Variants in CREB3L2 observed in about 807,000 individuals in gnomAD.
CREB3L2 encodes cyclic AMP-responsive element-binding protein 3-like protein 2.
Under a neutral mutation model 57.2 loss-of-function variants are expected in CREB3L2, and 23 were observed. The ratio of observed to expected loss-of-function variants is 0.40; its 90% confidence interval spans 0.29 to 0.57. The LOEUF (loss-of-function observed/expected upper bound fraction) is 0.57. CREB3L2 is among the 20% of genes least tolerant of loss of function. The probability of loss-of-function intolerance (pLI) is 0.42; values close to 1 mark genes in which losing one functional copy is unlikely to be tolerated. For missense variants in CREB3L2, 628 were observed against 634.7 expected, an observed-to-expected ratio of 0.99 and a Z score of 0.11; for synonymous variants, 268 against 265.1, an observed-to-expected ratio of 1.01 and a Z score of -0.11.
At chr7:137,916,039 G>A (rs576514426) in intron 2 of CREB3L2, 27 bp from the exon 3 acceptor site, 34 of 1,598,020 alleles carry the variant, frequency 2.1e-5, no homozygotes, top group Middle Eastern at 3.4e-4. Context: ...AAGCACACAT[G>A]TGAACTTGTT....
rs747151734 is a variant in CREB3L2 at position 137,880,544 on chromosome 7, C to T, written c.1495G>A (p.Ala499Thr). ...LLELQQHLVS[A>T]KLEGNETLKV... ...AGTGTTTCATTCCCCTCCAGTTTGG[C>T]GCTGACCCTGTGAAGGCATTAAAAG... Residue 499 changes from alanine (A) to threonine (T), a missense_variant, in exon 12 of 12, where the codon GCC (alanine) becomes ACC (threonine). By Grantham distance (58) the Ala-to-Thr change is moderately conservative. Around this residue, in one of 3 missense-constraint regions of CREB3L2, gnomAD observed 272 missense variants for 242.7 expected, o/e 1.12. Coordinates refer to ENST00000330387, the MANE Select transcript of CREB3L2 (RefSeq NM_194071.4). The surrounding 1 kb of genome is among the most constrained non-coding windows in gnomAD (Gnocchi z 4.0). The T allele has an allele frequency of 1.6e-5, 26 of 1,613,208 alleles. No individual in the cohort carries two copies. Among genetic ancestry groups the T allele is most frequent in the Admixed American group, 6.7e-5 (4 of 59,946 alleles).
chr7:137,875,084 CTTT>C lies in CREB3L2; in HGVS notation c.*5389_*5391del, dbSNP rs59223079. The C allele has an allele frequency of 1.8e-4, 30 of 171,220 alleles. No individual in the cohort carries two copies. The highest frequency in any genetic ancestry group is 1.9e-4 in the Non-Finnish European group (16 of 82,134). The allele number at this position is 171,220 out of a possible 1,614,324, so 10.6% of individuals were successfully genotyped here. On this transcript the variant is annotated 3_prime_UTR_variant, in exon 12 of 12. Coordinates refer to ENST00000330387, the MANE Select transcript of CREB3L2 (RefSeq NM_194071.4). ...AACTAAGTACAAGTGTCCTACAAAG[CTTT>C]TTTTTTTTTTTGGTATTTACTTAGC...
intron 8 of CREB3L2, among the ~76,000 whole-genome samples, chr7:137,900,838 CT>C (rs1306329702): frequency 6.6e-6 from 1 of 151,912 alleles, no homozygotes; most frequent in African/African-American, 2.4e-5. Context: ...ATGATTTTCT[CT>C]TTTTTTAAAC....
intron 1 of CREB3L2, chr7:137,935,992 C>G: frequency 1.0e-6 from 1 of 966,296 alleles, no homozygotes; most frequent in African/African-American, 1.8e-5. Context: ...GCCCTAAGAT[C>G]AGAGGTCACG....
In CREB3L2 at chr7:138,001,503, C is replaced by T; in HGVS notation, c.102+101G>A. 2 of 841,312 alleles carry T rather than the reference C, an allele frequency of 2.4e-6. No homozygotes were observed. The highest frequency in any genetic ancestry group is 3.8e-6 in the Non-Finnish European group (2 of 526,104). The allele number at this position is 841,312 out of a possible 1,614,324, so 52.1% of individuals were successfully genotyped here. A position where few individuals can be genotyped will look rare whatever the true frequency, so the allele number is the denominator to read the frequency against. On this transcript the variant is annotated intron_variant, in intron 1 of 11. Coordinates refer to ENST00000330387, the MANE Select transcript of CREB3L2 (RefSeq NM_194071.4). The surrounding 1 kb of genome is among the most constrained non-coding windows in gnomAD (Gnocchi z 4.2). ...CCTCTTGATTCTGACCATGCCCTGC[C>T]CCAAACCCTGCCTTCCCGGGTCCCA...
intron 8 of CREB3L2, 133 bp downstream of exon 8, chr7:137,901,221 G>A (rs1015793138): frequency 4.7e-6 from 3 of 640,176 alleles, no homozygotes; most frequent in African/African-American, 3.6e-5. Context: ...TGGCCATGCT[G>A]AGCATCTCAG....
intron 8 of CREB3L2, among the ~76,000 whole-genome samples, chr7:137,887,403 TTCTGGACTCAAAAC>T (rs1198545609): frequency 1.3e-5 from 2 of 152,154 alleles, no homozygotes; most frequent in Non-Finnish European, 2.9e-5. Flanking sequence ...AGTAGATGCT[TTCTGGACTCAAAAC>T]TCCTTTCTGG....
Position 137,940,853 on chromosome 7 carries a change from G to A in CREB3L2, c.103-12487C>T, listed in dbSNP as rs533314665. The stretch of plus-strand genomic sequence containing the variant: ...CTCATCCCTAGAGGGCCACACTGGG[G>A]AAAAGGGAAAGTGCTTGAGAGGTAC... On this transcript the variant is annotated intron_variant, in intron 1 of 11. Coordinates refer to ENST00000330387, the MANE Select transcript of CREB3L2 (RefSeq NM_194071.4). 3.3e-5 allele frequency among the ~76,000 whole-genome samples: 5 copies of A among 152,352 alleles called. No homozygotes were observed. The East Asian group carries it at 9.6e-4, about 29-fold the overall frequency.
At chr7:137,931,843 A>C (rs1443048534) in intron 1 of CREB3L2, among the ~76,000 whole-genome samples, 1 of 152,202 alleles carries the variant, frequency 6.6e-6, no homozygotes, top group Non-Finnish European at 1.5e-5. Flanking sequence ...AAAATAAATA[A>C]ATACAATTTA....
chr7:137,961,443 A>C (rs1046672467), intron 1 of CREB3L2, among the ~76,000 whole-genome samples: 3 of 152,148 alleles, frequency 2.0e-5, no homozygotes, highest in Non-Finnish European at 2.9e-5. Context: ...TGCTCCCCAC[A>C]CCCAGGCAAC....
chr7:137,889,393 T>C (rs1206040271), intron 8 of CREB3L2, among the ~76,000 whole-genome samples: 2 of 152,214 alleles, frequency 1.3e-5, no homozygotes, highest in Non-Finnish European at 2.9e-5. Context: ...CACAGCACTT[T>C]GCTTGGCATT....
At position 137,905,967 on chromosome 7, in the gene CREB3L2, G is replaced by C. The variant is rs1012724216; in HGVS notation, c.769-119C>G. On this transcript the variant is annotated intron_variant, in intron 5 of 11. Coordinates refer to ENST00000330387, the MANE Select transcript of CREB3L2 (RefSeq NM_194071.4). ...TGTCTTACAGAAGGCTCTGAGACAA[G>C]GATGCCCCATCTGCTTTGGGTGACA... 3.0e-6 allele frequency: 3 copies of C among 1,002,492 alleles called. No homozygotes were observed. The African/African-American group carries it at 4.9e-5, about 16-fold the overall frequency. The allele number at this position is 1,002,492 out of a possible 1,614,324, so 62.1% of individuals were successfully genotyped here.
rs1008135975 is a variant in CREB3L2, at chr7:137,876,523, A to G, written c.*3953T>C. 2 of 233,036 alleles carry G rather than the reference A, an allele frequency of 8.6e-6. No homozygotes were observed. Among genetic ancestry groups the G allele is most frequent in the Non-Finnish European group, 1.7e-5 (2 of 117,984 alleles). 14.4% of individuals were successfully genotyped at this position (233,036 alleles called of 1,614,324 possible). On this transcript the variant is annotated 3_prime_UTR_variant, in exon 12 of 12. Transcript: ENST00000330387. ...ACTGAAAAGTCTTAGGAGTAACTGA[A>G]TGAGTGAGTGAATGAACGAAACATC...
At chr7:137,957,630 A>G in intron 1 of CREB3L2, 1 of 481,566 alleles carries the variant, frequency 2.1e-6, no homozygotes, top group South Asian at 2.0e-5. Context: ...CTTAAACTTG[A>G]GAAGATGGAT....
intron 2 of CREB3L2, among the ~76,000 whole-genome samples, chr7:137,922,415 T>TATATATATATACAC (rs1491237233): frequency 1.3e-4 from 3 of 23,158 alleles, no homozygotes; most frequent in African/African-American, 4.1e-4. Flanking sequence ...TATATATATA[T>TATATATATATACAC]GTATATATAT....
intron 10 of CREB3L2, among the ~76,000 whole-genome samples, chr7:137,883,990 G>C (rs200094433): frequency 6.6e-6 from 1 of 150,598 alleles, no homozygotes; most frequent in African/African-American, 2.4e-5. Context: ...ATAAGGTTTT[G>C]GAAGGCAGGC....
chr7:137,885,624 G>T (rs913180340), intron 8 of CREB3L2, 122 bp from the exon 9 acceptor site: 12 of 727,798 alleles, frequency 1.6e-5, no homozygotes, highest in Admixed American at 4.9e-5. Context: ...AGCCCCAAGG[G>T]ACAGTTTCCT....
rs770210021 is a variant in CREB3L2 at position 138,001,593 on chromosome 7, C to T, written c.102+11G>A. On this transcript the variant is annotated intron_variant, in intron 1 of 11. Coordinates refer to ENST00000330387, the MANE Select transcript of CREB3L2 (RefSeq NM_194071.4). The surrounding 1 kb of genome is among the most constrained non-coding windows in gnomAD (Gnocchi z 4.2). The stretch of plus-strand genomic sequence containing the variant: ...TTGAAAGCCCTCCTGCCCCGCCCGC[C>T]GGGTCCTCACCGTGTGGTACATGAG... The T allele has an allele frequency of 3.7e-6, 6 of 1,603,062 alleles. No individual in the cohort carries two copies. In the South Asian group the frequency reaches 5.5e-5, roughly 15 times the overall value.
rs895858373 is a variant in CREB3L2 at position 138,001,268 on chromosome 7, C to T, written c.102+336G>A. Among the ~76,000 whole-genome samples, 5 of 152,082 alleles carry T rather than the reference C, an allele frequency of 3.3e-5. No homozygotes were observed. The highest frequency in any genetic ancestry group is 1.2e-4 in the African/African-American group (5 of 41,482). On this transcript the variant is annotated intron_variant, in intron 1 of 11. Transcript: ENST00000330387. This position sits in a 1 kb window ranked among gnomAD's most constrained non-coding sequence, Gnocchi z 4.2. ...AAAAAAAAATCAATAGCAAACTAGGCGGAGGCATGTTATTCTCAAAACACA... is the reference window on the plus strand; with the variant it reads ...AAAAAAAAATCAATAGCAAACTAGGTGGAGGCATGTTATTCTCAAAACACA...
Sources: gnomAD v4.1 joint callset for allele counts (sites outside exome capture counted in the v4.1 genomes callset) on GRCh38, gnomAD v4.1.1 for gene constraint, gnomAD v4.1.1 regional missense constraint, Gnocchi (gnomAD v3.1) non-coding constraint, MANE v1.5 for transcripts, NCBI Gene and HGNC (gene_info 2026-07-23, HGNC 2026-07-21) for gene names.